The following DUS3L variants were observed in gnomAD, a reference collection of about 807,000 sequenced individuals.
DUS3L encodes the protein dihydrouridine synthase 3 like.
In DUS3L, 62 loss-of-function variants were observed where a neutral mutation model predicts 74.6. The observed-to-expected ratio is 0.83, with a 90% CI of 0.68 to 1.03. The LOEUF (loss-of-function observed/expected upper bound fraction) is 1.03, where lower values mean the gene tolerates loss of function less well. Among genes scored for constraint, DUS3L ranks in the 50% least tolerant of loss-of-function variants. The pLI is 0.00. For synonymous variants in DUS3L, 433 were observed against 395.7 expected, an observed-to-expected ratio of 1.09 and a Z score of -1.12; for missense variants, 884 against 924.4, an observed-to-expected ratio of 0.96 and a Z score of 0.57.
In DUS3L at chr19:5,788,214, C is replaced by A. The variant is rs777570974; in HGVS notation, c.943-38G>T. The A allele has an allele frequency of 1.9e-6, 3 of 1,607,084 alleles. No homozygotes were observed. The South Asian group carries it at 3.3e-5, about 18-fold the overall frequency. Reference sequence around the variant, plus strand: ...CAGGACAGACACACATGCTCTTGCACGCGCACACACACACACACACAGCAG... The same window carrying A: ...CAGGACAGACACACATGCTCTTGCAAGCGCACACACACACACACACAGCAG... On this transcript the variant is annotated intron_variant, in intron 4 of 12. Transcript: ENST00000309061.
Position 5,789,363 on chromosome 19 carries a change from G to A in DUS3L, c.744C>T (p.Gly248=), listed in dbSNP as rs1470985005. The change falls in exon 3 of 13, where the codon GGC becomes GGT. Residue 248 remains glycine, a synonymous_variant. Coordinates refer to ENST00000309061, the MANE Select transcript of DUS3L (RefSeq NM_020175.3). ...GPTPAAAVPE[G]TAAEGAPRQE... ...GCCTGGGAGCGCCCTCGGCTGCCGTGCCCTCGGGGACAGCGGCAGCGGGTG... is the reference window on the plus strand; with the variant it reads ...GCCTGGGAGCGCCCTCGGCTGCCGTACCCTCGGGGACAGCGGCAGCGGGTG... The A allele has an allele frequency of 6.3e-7, 1 of 1,595,660 alleles. No homozygotes were observed. Among genetic ancestry groups the A allele is most frequent in the South Asian group, 1.1e-5 (1 of 89,264 alleles).
Position 5,790,282 on chromosome 19 carries a change from TC to T in DUS3L, c.151del (p.Glu51ArgfsTer9), listed in dbSNP as rs779432607. 1 of 1,614,132 alleles carries T rather than the reference TC, an allele frequency of 6.2e-7. No individual in the cohort carries two copies. The highest frequency in any genetic ancestry group is 8.5e-7 in the Non-Finnish European group (1 of 1,180,028). Reference protein sequence around the residue: ...FHQFLEAKGQEKTCRETEVGD... With the variant: ...FHQFLEAKGQXKTCRETEVGD... ...TACCTCGGTTTCCCGGCAAGTCTTC[TC>T]CTGCCCTTTGGCTTCCAGGAATTGG... On this transcript the variant is annotated frameshift_variant, in exon 2 of 13. Coordinates refer to ENST00000309061, the MANE Select transcript of DUS3L (RefSeq NM_020175.3). LOFTEE classifies it high-confidence loss of function.
chr19:5,788,337 C>T lies in DUS3L; in HGVS notation c.942+20G>A, dbSNP rs781340720. ...CACTGCCACCCTGCCACCCGACCAGCCACCTGACCCAGGTCCTACCGTGGT... is the reference window on the plus strand; with the variant it reads ...CACTGCCACCCTGCCACCCGACCAGTCACCTGACCCAGGTCCTACCGTGGT... On this transcript the variant is annotated intron_variant, in intron 4 of 12. Coordinates refer to ENST00000309061, the MANE Select transcript of DUS3L (RefSeq NM_020175.3). The T allele has an allele frequency of 4.7e-5, 76 of 1,613,596 alleles. 1 individual carries two copies. In the South Asian group the frequency reaches 8.2e-4, roughly 17 times the overall value.
Position 5,785,247 on chromosome 19 carries a change from TG to T in DUS3L, c.1908del (p.Ser637AlafsTer30), listed in dbSNP as rs1232406748. On this transcript the variant is annotated frameshift_variant, in exon 13 of 13. Transcript: ENST00000309061. LOFTEE classifies it high-confidence loss of function. ...TTGTGCTTCGGCAAGAAGGCGAAGC[TG>T]GGGGGCACTGGCCCAAGGAGCATCT... is the stretch of plus-strand genomic sequence containing the variant. ...ISEMLLGPVP[P>X]SFAFLPKHKA... The T allele has an allele frequency of 6.2e-7, 1 of 1,610,754 alleles. No homozygotes were observed. The highest frequency in any genetic ancestry group is 8.5e-7 in the Non-Finnish European group (1 of 1,179,210).
chr19:5,790,720 C>T, intron 1 of DUS3L: 2 of 550,006 alleles, frequency 3.6e-6, no homozygotes, highest in South Asian at 2.1e-5. Flanking sequence ...AACCCCAAGA[C>T]CCGCCAGTAA....
Position 5,785,176 on chromosome 19 carries a change from C to T in DUS3L, c.*27G>A, listed in dbSNP as rs781085958. On this transcript the variant is annotated 3_prime_UTR_variant, in exon 13 of 13. Coordinates refer to ENST00000309061, the MANE Select transcript of DUS3L (RefSeq NM_020175.3). Reference sequence around the variant, plus strand: ...TAAAATTTATTGTACTCTCCTCGCCCCAGGGTGCCCCTGGGAAAGCCTGAG... The same window carrying T: ...TAAAATTTATTGTACTCTCCTCGCCTCAGGGTGCCCCTGGGAAAGCCTGAG... The T allele has an allele frequency of 4.4e-6, 7 of 1,587,414 alleles. No homozygotes were observed. In the Admixed American group the frequency reaches 1.3e-4, roughly 29 times the overall value.
intron 10 of DUS3L, 122 bp downstream of exon 10, chr19:5,786,345 C>T (rs1233643275): frequency 6.5e-6 from 6 of 923,658 alleles, no homozygotes; most frequent in Admixed American, 5.3e-5. Flanking sequence ...TGACATCGCT[C>T]TCTGCTCCTC....
At chr19:5,787,987 GC>G in intron 5 of DUS3L, 36 bp downstream of exon 5, 1 of 1,606,562 alleles carries the variant, frequency 6.2e-7, no homozygotes, top group Non-Finnish European at 8.5e-7. Flanking sequence ...ACGGCCGAGG[GC>G]CCCTCCACTC....
At chr19:5,786,904 G>C (rs770075274) in intron 8 of DUS3L, 59 bp from the exon 9 acceptor site, 43 of 1,538,866 alleles carry the variant, frequency 2.8e-5, no homozygotes, top group South Asian at 1.2e-5. Flanking sequence ...GAGAGGAAGA[G>C]ACCAAGAGAG....
At chr19:5,789,101 G>A (rs1263173834) in intron 3 of DUS3L, 106 bp downstream of exon 3, 4 of 1,449,756 alleles carry the variant, frequency 2.8e-6, no homozygotes, top group Non-Finnish European at 2.7e-6. Context: ...AAGGCACACA[G>A]CCTCTGACTC....
At chr19:5,786,433 T>C in intron 10 of DUS3L, 34 bp downstream of exon 10, 1 of 1,605,962 alleles carries the variant, frequency 6.2e-7, no homozygotes, top group Non-Finnish European at 8.5e-7. Flanking sequence ...CTGCTGTGCA[T>C]GAAGCTGGAT....
At chr19:5,790,642 C>T (rs1464943070) in intron 1 of DUS3L, among the ~76,000 whole-genome samples, 1 of 152,212 alleles carries the variant, frequency 6.6e-6, no homozygotes, top group Non-Finnish European at 1.5e-5. Context: ...TAAGCCACCA[C>T]ATTTCCCAGC....
Position 5,785,749 on chromosome 19 carries a change from C to T in DUS3L, c.1605G>A (p.Glu535=), listed in dbSNP as rs1294953345. 1.2e-6 allele frequency: 2 copies of T among 1,609,792 alleles called. No homozygotes were observed. Among genetic ancestry groups the T allele is most frequent in the Non-Finnish European group, 8.5e-7 (1 of 1,179,102 alleles). ...ACGACGAGATGTCCCAGTGCCGCTG[C>T]TCCTTGATCTCCGTGAAGAGCCACG... ...LKPWLFTEIK[E]QRHWDISSSE... Residue 535 remains glutamate, a synonymous_variant, in exon 11 of 13, where the codon GAG becomes GAA. Transcript: ENST00000309061.
Position 5,789,337 on chromosome 19 carries a change from T to G in DUS3L, c.770A>C (p.Gln257Pro), listed in dbSNP as rs747413829. The G allele has an allele frequency of 6.2e-7, 1 of 1,604,636 alleles. No individual in the cohort carries two copies. Among genetic ancestry groups the G allele is most frequent in the Admixed American group, 1.7e-5 (1 of 58,612 alleles). ...GACCTGCTGGGCACCACAGTTTTCC[T>G]GCCTGGGAGCGCCCTCGGCTGCCGT... ...EGTAAEGAPR[Q>P]ENCGAQQVPA... is the part of the protein sequence containing the mutation. Residue 257 changes from glutamine to proline, a missense_variant, in exon 3 of 13, where the codon CAG becomes CCG. Transcript: ENST00000309061.
rs1359764046 is a variant in DUS3L at position 5,789,237 on chromosome 19, C to CACGTG, written c.869_870insCACGT (p.Val291ThrfsTer43). 1.9e-6 allele frequency: 3 copies of CACGTG among 1,563,166 alleles called. No individual in the cohort carries two copies. Among genetic ancestry groups the CACGTG allele is most frequent in the Non-Finnish European group, 2.6e-6 (3 of 1,157,944 alleles). ...TCTTCTCACAGGGCCGCAGCCTGAC[C>CACGTG]ACGTCCTCATCCGTCAGGGGCCCGC... On this transcript the variant is annotated frameshift_variant, in exon 3 of 13. Transcript: ENST00000309061. LOFTEE classifies it high-confidence loss of function.
At chr19:5,790,866 A>G (rs909477837) in intron 1 of DUS3L, 178 bp downstream of exon 1, 15 of 642,428 alleles carry the variant, frequency 2.3e-5, no homozygotes, top group Admixed American at 2.3e-4. Context: ...ACAGGCCCCA[A>G]CGTGCACGAT....
chr19:5,785,357 T>A, intron 12 of DUS3L, 26 bp downstream of exon 12: 2 of 1,603,372 alleles, frequency 1.2e-6, no homozygotes, highest in Non-Finnish European at 1.7e-6. Flanking sequence ...CGACTGCAGC[T>A]CCCCAACTCC....
At chr19:5,787,219 G>GAGGTAGTGGGAGACAGTGGC (rs1555730945) in intron 7 of DUS3L, 48 bp from the exon 8 acceptor site, 29 of 1,086,906 alleles carry the variant, frequency 2.7e-5, no homozygotes, top group African/African-American at 1.7e-4. Context: ...GAGGTGGTGG[G>GAGGTAGTGGGAGACAGTGGC]AGACGGTGGG....
Position 5,786,758 on chromosome 19 carries a change from G to A in DUS3L, c.1477C>T (p.Pro493Ser). ...EECVQAASPM[P>S]LFGNGDILSF... ...TTCCCGGAACACCCACCGAACAGGG[G>A]CATGGGGCTGGCGGCCTGCACGCAC... The change falls in exon 9 of 13, where the codon CCC becomes TCC. Residue 493 changes from proline (P) to serine (S), a missense_variant. Coordinates refer to ENST00000309061, the MANE Select transcript of DUS3L (RefSeq NM_020175.3). 6.2e-7 allele frequency: 1 copy of A among 1,611,920 alleles called. No homozygotes were observed. Among genetic ancestry groups the A allele is most frequent in the Non-Finnish European group, 8.5e-7 (1 of 1,179,684 alleles).
Sources: gnomAD v4.1 joint callset for allele counts (sites outside exome capture counted in the v4.1 genomes callset) on GRCh38, gnomAD v4.1.1 for gene constraint, MANE v1.5 for transcripts, NCBI Gene and HGNC (gene_info 2026-07-23, HGNC 2026-07-21) for gene names.